Variants in ESR1 observed in about 807,000 individuals in gnomAD.
ESR1 encodes the protein estrogen receptor.
Under a neutral mutation model 52.7 loss-of-function variants are expected in ESR1, and 12 were observed. That is an observed-to-expected ratio of 0.23 (90% CI 0.15 to 0.37). The LOEUF is 0.37. Among genes scored for constraint, ESR1 ranks in the 10% least tolerant of loss-of-function variants. The pLI, the probability that ESR1 is intolerant of heterozygous loss-of-function variation, is 1.00. For synonymous variants in ESR1, 305 were observed against 316.8 expected (o/e 0.96, Z 0.39); for missense variants, 584 against 779.7 (o/e 0.75, Z 2.99).
intron 2 of ESR1, among the ~76,000 whole-genome samples, chr6:151,779,617 G>A (rs9479115): frequency 0.021 from 3,164 of 152,254 alleles, 112 homozygotes; most frequent in African/African-American, 0.072. Context: ...ACAGTGTGGC[G>A]ATTCCTCAAG....
At chr6:151,928,951 G>A (rs2033184954) in intron 3 of ESR1, among the ~76,000 whole-genome samples, 1 of 152,050 alleles carries the variant, frequency 6.6e-6, no homozygotes, top group Admixed American at 6.6e-5. Context: ...TTTTAAATTT[G>A]TTAAGGGTGT....
downstream of ESR1, among the ~76,000 whole-genome samples, chr6:152,107,346 G>C (rs1283039485): frequency 2.0e-5 from 3 of 152,040 alleles, no homozygotes; most frequent in South Asian, 4.2e-4. Context: ...TATCTTCCAG[G>C]GGACTGTTTT....
At chr6:152,126,067 A>G (rs1269332133) in exon 7 of ESR1, 3 of 152,272 alleles carry the variant, frequency 2.0e-5, no homozygotes, top group Admixed American at 6.5e-5. Flanking sequence ...ATTTAACAGC[A>G]TCAGAGCATT....
chr6:151,942,907 G>C (rs376390955), intron 3 of ESR1, among the ~76,000 whole-genome samples: 1 of 152,116 alleles, frequency 6.6e-6, no homozygotes, highest in Non-Finnish European at 1.5e-5. Context: ...AAATATAGAA[G>C]CTTTTTGTCT....
At chr6:151,813,641 C>A (rs1165715568) in intron 1 of ESR1, among the ~76,000 whole-genome samples, 4 of 151,974 alleles carry the variant, frequency 2.6e-5, no homozygotes, top group Non-Finnish European at 4.4e-5. Context: ...AAATTCCAAG[C>A]AAGACTGAAA....
At chr6:152,013,902 G>C (rs2042967848) in intron 5 of ESR1, among the ~76,000 whole-genome samples, 1 of 152,094 alleles carries the variant, frequency 6.6e-6, no homozygotes, top group African/African-American at 2.4e-5. Context: ...TTGAGGGGTT[G>C]ATATTGTTTG....
intron 2 of ESR1, among the ~76,000 whole-genome samples, chr6:151,850,968 A>G (rs1786586363): frequency 6.6e-6 from 1 of 152,154 alleles, no homozygotes; most frequent in African/African-American, 2.4e-5. Flanking sequence ...CATTCTGCAC[A>G]TTGCCACTCT....
chr6:151,989,576 C>G (rs900762614), intron 4 of ESR1, among the ~76,000 whole-genome samples: 3 of 152,040 alleles, frequency 2.0e-5, no homozygotes, highest in Non-Finnish European at 2.9e-5. Context: ...GATTTGGTCA[C>G]TAATATTTTT....
intron 4 of ESR1, among the ~76,000 whole-genome samples, chr6:152,003,608 T>C (rs1302370724): frequency 6.6e-6 from 1 of 151,928 alleles, no homozygotes; most frequent in African/African-American, 2.4e-5. Flanking sequence ...CATTCTCTTA[T>C]TAGGTAACAA....
intron 4 of ESR1, among the ~76,000 whole-genome samples, chr6:151,978,692 T>G (rs577760936): frequency 6.6e-6 from 1 of 152,098 alleles, no homozygotes; most frequent in East Asian, 1.9e-4. Context: ...CAACTGAAAA[T>G]GAGAAGCCAG....
chr6:151,696,176 A>T (rs1779320603), intron 1 of ESR1, among the ~76,000 whole-genome samples: 1 of 152,118 alleles, frequency 6.6e-6, no homozygotes, highest in African/African-American at 2.4e-5. Flanking sequence ...CAGCTAGATT[A>T]AAAGTGCCTC....
chr6:151,821,739 G>A (rs1221837712), intron 1 of ESR1, among the ~76,000 whole-genome samples: 1 of 152,154 alleles, frequency 6.6e-6, no homozygotes, highest in East Asian at 1.9e-4. Context: ...TGATCTAGCA[G>A]CCAGGTTACA....
At position 151,855,149 on chromosome 6, in the gene ESR1, A is replaced by C. The variant is rs796843722; in HGVS notation, c.643+12362A>C. ...CACTAGTCTCTAACTCCTGACCTCAAGTGGTCCTCCTGCCTTGGCCTCCCA... is the reference window on the plus strand; with the variant it reads ...CACTAGTCTCTAACTCCTGACCTCACGTGGTCCTCCTGCCTTGGCCTCCCA... On this transcript the variant is annotated intron_variant, in intron 2 of 7. Transcript: ENST00000206249. 3.9e-5 allele frequency among the ~76,000 whole-genome samples: 6 copies of C among 152,170 alleles called. No individual in the cohort carries two copies. The South Asian group carries it at 1.2e-3, about 31-fold the overall frequency.
intron 4 of ESR1, among the ~76,000 whole-genome samples, chr6:151,953,951 G>A (rs2036614585): frequency 2.0e-5 from 3 of 152,118 alleles, no homozygotes; most frequent in African/African-American, 7.2e-5. Context: ...TTAGACTACA[G>A]CCTAAACTGA....
At chr6:151,875,048 T>C (rs1056768178) in intron 2 of ESR1, among the ~76,000 whole-genome samples, 1 of 152,226 alleles carries the variant, frequency 6.6e-6, no homozygotes, top group Non-Finnish European at 1.5e-5. Flanking sequence ...ATAATTTGAA[T>C]ATGTTGATTT....
chr6:151,938,250 A>G (rs953658428), intron 3 of ESR1, among the ~76,000 whole-genome samples: 2 of 152,210 alleles, frequency 1.3e-5, no homozygotes, highest in Non-Finnish European at 2.9e-5. Context: ...ACTCATTTCA[A>G]TGAAAGAAAA....
At chr6:151,669,028 G>C (rs1777926170) in intron 1 of ESR1, among the ~76,000 whole-genome samples, 1 of 151,782 alleles carries the variant, frequency 6.6e-6, no homozygotes, top group South Asian at 2.1e-4. Context: ...CCAGGCTAAA[G>C]GCATCTGGAC....
intron 2 of ESR1, among the ~76,000 whole-genome samples, chr6:151,755,856 C>T (rs1474684060): frequency 6.6e-6 from 1 of 152,092 alleles, no homozygotes; most frequent in Non-Finnish European, 1.5e-5. Context: ...GTCTTGAACT[C>T]CTGACCTCAG....
In ESR1 at chr6:151,944,372, G is replaced by C. The variant is rs745641094; in HGVS notation, c.960G>C (p.Leu320Phe). 1 of 1,613,972 alleles carries C rather than the reference G, an allele frequency of 6.2e-7. No individual in the cohort carries two copies. Among genetic ancestry groups the C allele is most frequent in the Non-Finnish European group, 8.5e-7 (1 of 1,179,908 alleles). ...CCGACCAGATGGTCAGTGCCTTGTT[G>C]GATGCTGAGCCCCCGATACTCTATT... ...LTADQMVSAL[L>F]DAEPPILYSE... Residue 320 changes from leucine (L) to phenylalanine (F), a missense_variant, in exon 4 of 8, where the codon TTG (leucine) becomes TTC (phenylalanine). Physicochemically the swap from Leu to Phe is conservative, Grantham distance 22. This residue lies in a region of ESR1 where 141 missense variants were observed against 289.3 expected (regional missense o/e 0.49). Transcript: ENST00000206249.
Sources: gnomAD v4.1 joint callset for allele counts (sites outside exome capture counted in the v4.1 genomes callset) on GRCh38, gnomAD v4.1.1 for gene constraint, gnomAD v4.1.1 regional missense constraint, MANE v1.5 for transcripts, NCBI Gene and HGNC (gene_info 2026-07-23, HGNC 2026-07-21) for gene names.